The following PDE1C variants were observed in gnomAD, a reference collection of about 807,000 sequenced individuals.
PDE1C encodes phosphodiesterase 1C, also known as dual specificity calcium/calmodulin-dependent 3',5'-cyclic nucleotide phosphodiesterase 1C.
PDE1C carries 62 observed loss-of-function variants against 93.1 expected under a neutral mutation model. The ratio of observed to expected loss-of-function variants is 0.67; its 90% CI spans 0.54 to 0.82. PDE1C has a LOEUF of 0.82. PDE1C is among the 40% of genes least tolerant of loss of function. The pLI, the probability that PDE1C is intolerant of heterozygous loss-of-function variation, is 0.00. For synonymous variants in PDE1C, 325 were observed against 310.1 expected (o/e 1.05, Z -0.50); for missense variants, 742 against 884.6 (o/e 0.84, Z 2.04).
intron 16 of PDE1C, chr7:31,808,166 A>T: frequency 2.1e-6 from 1 of 478,690 alleles, no homozygotes; most frequent in East Asian, 6.7e-5. Flanking sequence ...GTTACCCAGC[A>T]TTTGTTCTTC....
At position 31,846,233 on chromosome 7, in the gene PDE1C, C is replaced by CT. The variant is rs371624212; in HGVS notation, c.980+1734dup. 8.7e-3 allele frequency among the ~76,000 whole-genome samples: 1,130 copies of CT among 129,860 alleles called. 4 individuals carry two copies. Among genetic ancestry groups the CT allele is most frequent in the African/African-American group, 0.017 (594 of 34,996 alleles). The allele number at this position is 129,860 out of a possible 152,430, so 85.2% of individuals were successfully genotyped here. A position where few individuals can be genotyped will look rare whatever the true frequency, so the allele number is the denominator to read the frequency against. ...CATACTTTTACTTTTCTTTTTTTTTCTTTTTTTTTTTTTTTTGAGACGGAG... is the reference window on the plus strand; with the variant it reads ...CATACTTTTACTTTTCTTTTTTTTTCTTTTTTTTTTTTTTTTTGAGACGGAG... On this transcript the variant is annotated intron_variant, in intron 9 of 17. Transcript: ENST00000396191.
intron 2 of PDE1C, among the ~76,000 whole-genome samples, chr7:31,925,039 C>CTGTGTG (rs70989622): frequency 4.6e-4 from 62 of 135,386 alleles, no homozygotes; most frequent in African/African-American, 1.5e-3. Flanking sequence ...GTAGACATTT[C>CTGTGTG]TGTGTGTGTG....
chr7:31,787,996 T>C (rs780197534), intron 16 of PDE1C: 1 of 152,220 alleles, frequency 6.6e-6, no homozygotes, highest in Non-Finnish European at 1.5e-5. Flanking sequence ...TTTGTTTTGC[T>C]TCACTGAGAG....
At chr7:32,253,037 G>A (rs890501184) in intron 1 of PDE1C, among the ~76,000 whole-genome samples, 1 of 152,108 alleles carries the variant, frequency 6.6e-6, no homozygotes, top group Non-Finnish European at 1.5e-5. Context: ...TCAGAGTTGT[G>A]TTTTTCAAAG....
At chr7:31,643,480 A>C in the PDE1C span, 1 of 1,614,040 alleles carries the variant, frequency 6.2e-7, no homozygotes, top group Non-Finnish European at 8.5e-7. Context: ...AAATACTGGC[A>C]GCTCCAGGTC....
intron 1 of PDE1C, among the ~76,000 whole-genome samples, chr7:32,269,157 T>C (rs1810796333): frequency 6.6e-6 from 1 of 152,200 alleles, no homozygotes; most frequent in African/African-American, 2.4e-5. Context: ...GCAACCTCAA[T>C]GTTGCTCAAT....
intron 2 of PDE1C, among the ~76,000 whole-genome samples, chr7:31,911,194 T>C (rs1252231143): frequency 6.6e-6 from 1 of 152,182 alleles, no homozygotes; most frequent in African/African-American, 2.4e-5. Flanking sequence ...TTATAACATA[T>C]AGCTATAGAT....
At chr7:32,030,086 C>T (rs1307152506) in intron 2 of PDE1C, among the ~76,000 whole-genome samples, 1 of 133,050 alleles carries the variant, frequency 7.5e-6, no homozygotes, top group Non-Finnish European at 1.5e-5. Flanking sequence ...ATAACACACA[C>T]ACACACACAC....
intron 2 of PDE1C, among the ~76,000 whole-genome samples, chr7:32,044,594 C>T (rs1217551009): frequency 6.6e-6 from 1 of 151,948 alleles, no homozygotes; most frequent in African/African-American, 2.4e-5. Flanking sequence ...ATTAAAGAGG[C>T]CACCCAATAC....
intron 2 of PDE1C, among the ~76,000 whole-genome samples, chr7:32,036,223 A>C (rs932155454): frequency 3.9e-5 from 6 of 152,200 alleles, no homozygotes; most frequent in African/African-American, 1.4e-4. Context: ...CTACCAGGTC[A>C]GCTACATTCA....
chr7:31,972,740 T>G (rs1464439784), intron 2 of PDE1C, among the ~76,000 whole-genome samples: 1 of 151,962 alleles, frequency 6.6e-6, no homozygotes, highest in East Asian at 1.9e-4. Context: ...ACCTAAAATC[T>G]CCTAACCACC....
intron 16 of PDE1C, among the ~76,000 whole-genome samples, chr7:31,780,251 C>T (rs1189016793): frequency 2.6e-5 from 4 of 152,138 alleles, no homozygotes; most frequent in Non-Finnish European, 5.9e-5. Context: ...ATGTTTCTTT[C>T]AGTTGTCGGG....
chr7:31,860,261 G>A (rs1383493899), intron 7 of PDE1C, among the ~76,000 whole-genome samples: 1 of 152,160 alleles, frequency 6.6e-6, no homozygotes, highest in African/African-American at 2.4e-5. Flanking sequence ...CATAACTGGA[G>A]TGGGGAGTAG....
intron 17 of PDE1C, among the ~76,000 whole-genome samples, chr7:31,773,778 C>T (rs1795655598): frequency 6.6e-6 from 1 of 152,098 alleles, no homozygotes; most frequent in Admixed American, 6.5e-5. Flanking sequence ...CCAGTAAGTG[C>T]CTGTCACCTT....
At chr7:31,753,646 T>C in intron 17 of PDE1C, 93 bp from the exon 18 acceptor site, 1 of 1,448,452 alleles carries the variant, frequency 6.9e-7, no homozygotes, top group Admixed American at 2.7e-5. Context: ...CTAGACCTGT[T>C]TGTTTCCTCC....
the PDE1C span, chr7:31,643,054 T>C: frequency 3.7e-5 from 60 of 1,613,954 alleles, no homozygotes; most frequent in Non-Finnish European, 5.1e-5. Flanking sequence ...CACTTCCAAA[T>C]ATGATCATCC....
chr7:31,732,495 T>A, the PDE1C span, among the ~76,000 whole-genome samples: 1 of 152,168 alleles, frequency 6.6e-6, no homozygotes, highest in Non-Finnish European at 1.5e-5. Flanking sequence ...AAGAAGAAAT[T>A]TGACCTCAGG....
intron 2 of PDE1C, among the ~76,000 whole-genome samples, chr7:31,947,965 T>G (rs2129010519): frequency 6.6e-6 from 1 of 152,326 alleles, no homozygotes; most frequent in African/African-American, 2.4e-5. Flanking sequence ...ATCTGACAGA[T>G]GGCAAGAGAT....
chr7:31,706,583 C>T, the PDE1C span, among the ~76,000 whole-genome samples: 1 of 152,158 alleles, frequency 6.6e-6, no homozygotes, highest in African/African-American at 2.4e-5. Context: ...ACAGTACTGA[C>T]ATTGAGAAAT....
Sources: allele counts gnomAD v4.1 joint callset (sites outside exome capture counted in the v4.1 genomes callset), GRCh38; gene constraint gnomAD v4.1.1; transcripts MANE v1.5; gene names NCBI Gene and HGNC (gene_info 2026-07-23, HGNC 2026-07-21).